Variants in CLIP3 observed in about 807,000 individuals in gnomAD.
The protein encoded by CLIP3 is CAP-Gly domain containing linker protein 3.
Under a neutral mutation model 59.4 loss-of-function variants are expected in CLIP3, and 15 were observed. That is an observed-to-expected ratio of 0.25 (90% CI 0.17 to 0.39). The LOEUF is 0.39. Among genes scored for constraint, CLIP3 ranks in the 10% least tolerant of loss-of-function variants. The pLI, the probability that CLIP3 is intolerant of heterozygous loss-of-function variation, is 1.00. For missense variants in CLIP3, 495 were observed against 765.7 expected (o/e 0.65, Z 4.17); for synonymous variants, 300 against 321.6 (o/e 0.93, Z 0.72).
chr19:36,015,336 C>T lies in CLIP3; in HGVS notation c.*822G>A, dbSNP rs1206727367. The stretch of plus-strand genomic sequence containing the variant: ...TCCCCAGAGTCCTAGAATGGGGCCT[C>T]CAAATTTTGGGGTCCCCCAAAGGGG... On this transcript the variant is annotated 3_prime_UTR_variant, in exon 14 of 14. Coordinates refer to ENST00000360535, the MANE Select transcript of CLIP3 (RefSeq NM_015526.3). 6.6e-6 allele frequency: 1 copy of T among 152,432 alleles called. No individual in the cohort carries two copies. The highest frequency in any genetic ancestry group is 1.5e-5 in the Non-Finnish European group (1 of 68,022). 9.4% of individuals were successfully genotyped at this position (152,432 alleles called of 1,614,324 possible). A position where few individuals can be genotyped will look rare whatever the true frequency, so the allele number is the denominator to read the frequency against.
chr19:36,023,658 G>A (rs1057102525), intron 7 of CLIP3, among the ~76,000 whole-genome samples: 1 of 150,556 alleles, frequency 6.6e-6, no homozygotes, highest in Non-Finnish European at 1.5e-5. Context: ...CTCCCACCTC[G>A]GCCTCCCAAA....
chr19:36,026,895 G>A lies in CLIP3; in HGVS notation c.400+57C>T. The A allele has an allele frequency of 1.3e-6, 2 of 1,524,812 alleles. No homozygotes were observed. The highest frequency in any genetic ancestry group is 2.3e-5 in the East Asian group (1 of 44,192). The allele number at this position is 1,524,812 out of a possible 1,614,324, so 94.5% of individuals were successfully genotyped here. A position where few individuals can be genotyped will look rare whatever the true frequency, so the allele number is the denominator to read the frequency against. ...CTGAGTTCTGGGTGGTTTTCAGCGT[G>A]TTGGGTCTGGGGGCCTAGGCTTTGG... On this transcript the variant is annotated intron_variant, in intron 4 of 13. Coordinates refer to ENST00000360535, the MANE Select transcript of CLIP3 (RefSeq NM_015526.3). This position sits in a 1 kb window ranked among gnomAD's most constrained non-coding sequence, Gnocchi z 6.3.
At chr19:36,021,594 T>C (rs1046001993) in intron 7 of CLIP3, among the ~76,000 whole-genome samples, 1 of 152,164 alleles carries the variant, frequency 6.6e-6, no homozygotes, top group Non-Finnish European at 1.5e-5. Context: ...TGGTTAATTT[T>C]TTCATTTTTA....
Position 36,032,603 on chromosome 19 carries a change from TTCTTCTCCTCCCGCG to T in CLIP3, c.-59+106_-59+120del, listed in dbSNP as rs1326613798. On this transcript the variant is annotated intron_variant, in intron 1 of 13. Transcript: ENST00000360535. The surrounding 1 kb of genome is among the most constrained non-coding windows in gnomAD (Gnocchi z 4.3). ...CACCTCCCCCAGGCCCAGCCCCCCA[TTCTTCTCCTCCCGCG>T]TCAGGCCCCTCAGTCGCGGCTGCCC... is the stretch of plus-strand genomic sequence containing the variant. The T allele has an allele frequency of 1.1e-5, 4 of 350,054 alleles. No homozygotes were observed. The highest frequency in any genetic ancestry group is 2.0e-5 in the Non-Finnish European group (4 of 195,770). 21.7% of individuals were successfully genotyped at this position (350,054 alleles called of 1,614,324 possible).
rs577448614 is a variant in CLIP3, at chr19:36,030,521, T to A, written c.166+1671A>T. 1.7e-3 allele frequency among the ~76,000 whole-genome samples: 255 copies of A among 152,210 alleles called. 1 individual carries two copies. The highest frequency in any genetic ancestry group is 6.1e-3 in the African/African-American group (253 of 41,538). On this transcript the variant is annotated intron_variant, in intron 2 of 13. Coordinates refer to ENST00000360535, the MANE Select transcript of CLIP3 (RefSeq NM_015526.3). ...CTGCCGGGGATTCCCAGCCTGCATA[T>A]CTTCCAAATTCCCCTCCTACATCCA...
At chr19:36,025,634 G>C (rs1478709651) in intron 6 of CLIP3, among the ~76,000 whole-genome samples, 1 of 151,838 alleles carries the variant, frequency 6.6e-6, no homozygotes, top group Non-Finnish European at 1.5e-5. Context: ...GTGGGCTCCT[G>C]TGGTATAGAG....
chr19:36,030,750 G>A (rs1157209223), intron 2 of CLIP3, among the ~76,000 whole-genome samples: 1 of 152,118 alleles, frequency 6.6e-6, no homozygotes, highest in East Asian at 1.9e-4. Context: ...CCTCAACCTC[G>A]ATCATTCCCT....
intron 7 of CLIP3, among the ~76,000 whole-genome samples, chr19:36,020,059 A>G (rs1968914515): frequency 6.6e-6 from 1 of 151,910 alleles, no homozygotes; most frequent in African/African-American, 2.4e-5. Flanking sequence ...GTTCCAAAAA[A>G]CAAAGACAGC....
chr19:36,017,468 G>C lies in CLIP3; in HGVS notation c.1452-18C>G, dbSNP rs756540665. ...CGCCAATCCTGAGGAGACACGGGGAGGGGGAGAAGTCAGAGCCACAAAAGG... is the reference window on the plus strand; with the variant it reads ...CGCCAATCCTGAGGAGACACGGGGACGGGGAGAAGTCAGAGCCACAAAAGG... On this transcript the variant is annotated intron_variant, in intron 11 of 13. Coordinates refer to ENST00000360535, the MANE Select transcript of CLIP3 (RefSeq NM_015526.3). 13 of 1,613,798 alleles carry C rather than the reference G, an allele frequency of 8.1e-6. No homozygotes were observed. Among genetic ancestry groups the C allele is most frequent in the Admixed American group, 3.3e-5 (2 of 59,966 alleles).
rs1969098114 is a variant in CLIP3 at position 36,026,094 on chromosome 19, T to C, written c.681+53A>G. The C allele has an allele frequency of 1.5e-6, 2 of 1,361,086 alleles. No homozygotes were observed. Among genetic ancestry groups the C allele is most frequent in the Admixed American group, 1.7e-5 (1 of 57,794 alleles). 84.3% of individuals were successfully genotyped at this position (1,361,086 alleles called of 1,614,324 possible). On this transcript the variant is annotated intron_variant, in intron 6 of 13. Coordinates refer to ENST00000360535, the MANE Select transcript of CLIP3 (RefSeq NM_015526.3). The surrounding 1 kb of genome is among the most constrained non-coding windows in gnomAD (Gnocchi z 6.3). The stretch of plus-strand genomic sequence containing the variant: ...AACGCAGAGACCTGCTGGAGGGAAG[T>C]GGGGGAGGAAGGGAGCAGGAGGGTA...
At chr19:36,024,052 A>G (rs1454762669) in intron 7 of CLIP3, among the ~76,000 whole-genome samples, 1 of 152,182 alleles carries the variant, frequency 6.6e-6, no homozygotes, top group Admixed American at 6.5e-5. Context: ...CTCTGAGAGC[A>G]GAGGGGCCTG....
chr19:36,026,905 G>A lies in CLIP3; in HGVS notation c.400+47C>T. ...GGTGGTTTTCAGCGTGTTGGGTCTG[G>A]GGGCCTAGGCTTTGGGGCTTATGAC... On this transcript the variant is annotated intron_variant, in intron 4 of 13. Transcript: ENST00000360535. This position sits in a 1 kb window ranked among gnomAD's most constrained non-coding sequence, Gnocchi z 6.3. 3.9e-6 allele frequency: 6 copies of A among 1,526,250 alleles called. No individual in the cohort carries two copies. Among genetic ancestry groups the A allele is most frequent in the East Asian group, 4.5e-5 (2 of 44,200 alleles). 94.5% of individuals were successfully genotyped at this position (1,526,250 alleles called of 1,614,324 possible).
intron 2 of CLIP3, among the ~76,000 whole-genome samples, chr19:36,030,459 A>G (rs1199398251): frequency 1.3e-5 from 2 of 152,122 alleles, no homozygotes; most frequent in Non-Finnish European, 2.9e-5. Context: ...TATCCTGGCA[A>G]CGCTGACTCT....
chr19:36,032,274 G>A lies in CLIP3; in HGVS notation c.84C>T (p.Pro28=). The A allele has an allele frequency of 3.1e-6, 4 of 1,298,846 alleles. No homozygotes were observed. Among genetic ancestry groups the A allele is most frequent in the Non-Finnish European group, 3.0e-6 (3 of 1,014,770 alleles). 80.5% of individuals were successfully genotyped at this position (1,298,846 alleles called of 1,614,324 possible). Residue 28 remains proline (P), a synonymous_variant, in exon 2 of 14, where the codon CCC becomes CCT. Transcript: ENST00000360535. The surrounding 1 kb of genome is among the most constrained non-coding windows in gnomAD (Gnocchi z 4.3). ...EEEEEEDEPV[P]EAPSPTQERR... is the part of the protein sequence containing the mutation. ...GCTCCTGGGTGGGGCTGGGGGCCTCGGGGACGGGTTCATCCTCCTCCTCCT... is the reference window on the plus strand; with the variant it reads ...GCTCCTGGGTGGGGCTGGGGGCCTCAGGGACGGGTTCATCCTCCTCCTCCT...
At position 36,019,260 on chromosome 19, in the gene CLIP3, T is replaced by C. The variant is rs768714508; in HGVS notation, c.965A>G (p.Gln322Arg). The C allele has an allele frequency of 6.2e-7, 1 of 1,613,794 alleles. No homozygotes were observed. The highest frequency in any genetic ancestry group is 8.5e-7 in the Non-Finnish European group (1 of 1,180,012). ...FCGTTEFASG[Q>R]WVGVELDEPE... ...TTCGTCCAGCTCCACGCCCACCCACTGGCCGCTGGCAAACTCCGTGGTCCC... is the reference window on the plus strand; with the variant it reads ...TTCGTCCAGCTCCACGCCCACCCACCGGCCGCTGGCAAACTCCGTGGTCCC... The change falls in exon 8 of 14, where the codon CAG becomes CGG. Residue 322 changes from glutamine to arginine, a missense_variant. Coordinates refer to ENST00000360535, the MANE Select transcript of CLIP3 (RefSeq NM_015526.3).
chr19:36,023,402 T>A lies in CLIP3; in HGVS notation c.918+994A>T, dbSNP rs542635537. Among the ~76,000 whole-genome samples the A allele has an allele frequency of 8.5e-5, 13 of 152,288 alleles. No homozygotes were observed. In the East Asian group the frequency reaches 1.9e-3, roughly 23 times the overall value. On this transcript the variant is annotated intron_variant, in intron 7 of 13. Coordinates refer to ENST00000360535, the MANE Select transcript of CLIP3 (RefSeq NM_015526.3). ...ACCTACTGCATCCTCTGCTTCCTTATCTTTGCAAAGGAAGTTCTTTCCTAT... is the reference window on the plus strand; with the variant it reads ...ACCTACTGCATCCTCTGCTTCCTTAACTTTGCAAAGGAAGTTCTTTCCTAT...
Position 36,026,508 on chromosome 19 carries a change from C to T in CLIP3, c.562+78G>A. The stretch of plus-strand genomic sequence containing the variant: ...CTCAGATCACCGTCCTCCTTCCCCT[C>T]GCAGCCTGGCCTCACCTGGGTCTCC... On this transcript the variant is annotated intron_variant, in intron 5 of 13. Coordinates refer to ENST00000360535, the MANE Select transcript of CLIP3 (RefSeq NM_015526.3). This position sits in a 1 kb window ranked among gnomAD's most constrained non-coding sequence, Gnocchi z 6.3. The T allele has an allele frequency of 3.2e-6, 5 of 1,577,964 alleles. No homozygotes were observed. Among genetic ancestry groups the T allele is most frequent in the South Asian group, 1.1e-5 (1 of 88,002 alleles).
chr19:36,018,932 G>A lies in CLIP3; in HGVS notation c.1149C>T (p.Ser383=), dbSNP rs114175149. The part of the protein sequence containing the change: ...STPRTPRMDF[S]RVTGKGRREH... ...CCCTGCGGCCTTTGCCGGTGACACG[G>A]GAGAAGTCCATCCGGGGGGTCCGGG... Residue 383 remains serine (S), a synonymous_variant, in exon 9 of 14, where the codon TCC becomes TCT. Transcript: ENST00000360535. 4.7e-4 allele frequency: 764 copies of A among 1,613,530 alleles called. 8 individuals are homozygous for A. In the African/African-American group the frequency reaches 9.4e-3, roughly 20 times the overall value.
At chr19:36,024,744 C>T (rs926817113) in intron 6 of CLIP3, 112 bp from the exon 7 acceptor site, 13 of 1,046,344 alleles carry the variant, frequency 1.2e-5, no homozygotes, top group Non-Finnish European at 1.8e-5. Flanking sequence ...AAGACTAGGT[C>T]ATATCCTGGG....
Sources: gnomAD v4.1 joint callset for allele counts (sites outside exome capture counted in the v4.1 genomes callset) on GRCh38, gnomAD v4.1.1 for gene constraint, Gnocchi (gnomAD v3.1) non-coding constraint, MANE v1.5 for transcripts, NCBI Gene and HGNC (gene_info 2026-07-23, HGNC 2026-07-21) for gene names.